Variants in LRP1B observed in about 807,000 individuals in gnomAD.
The protein encoded by LRP1B is low-density lipoprotein receptor-related protein 1B.
Under a neutral mutation model 556.6 loss-of-function variants are expected in LRP1B, and 217 were observed. That is an observed-to-expected ratio of 0.39 (90% CI 0.35 to 0.44). The LOEUF is 0.44. Ranked by LOEUF, LRP1B falls within the 20% of genes least tolerant of loss-of-function variation. The pLI is 1.00. For synonymous variants in LRP1B, 2,047 were observed against 1,865.8 expected, an observed-to-expected ratio of 1.10 and a Z score of -2.50; for missense variants, 5,053 against 5,620.8, an observed-to-expected ratio of 0.90 and a Z score of 3.23.
intron 2 of LRP1B, among the ~76,000 whole-genome samples, chr2:141,515,445 G>A (rs1009785464): frequency 2.6e-5 from 4 of 151,962 alleles, no homozygotes; most frequent in Non-Finnish European, 2.9e-5. Context: ...AAATTAGAAA[G>A]CAAATAATTC....
chr2:141,972,299 TTAAC>T (rs911322141), intron 1 of LRP1B, among the ~76,000 whole-genome samples: 1 of 151,582 alleles, frequency 6.6e-6, no homozygotes, highest in Admixed American at 6.6e-5. Context: ...ATACAAATAT[TTAAC>T]TAACTTCTCA....
chr2:141,725,582 T>C (rs191441296), intron 2 of LRP1B, among the ~76,000 whole-genome samples: 1,786 of 152,040 alleles, frequency 0.012, 21 homozygotes, highest in South Asian at 0.023. Context: ...TTGGGAAGGA[T>C]TTTTTAAAAA....
chr2:141,303,346 A>C (rs1356737863), intron 3 of LRP1B, among the ~76,000 whole-genome samples: 4 of 151,922 alleles, frequency 2.6e-5, no homozygotes, highest in African/African-American at 7.3e-5. Context: ...AACTGTATTC[A>C]CTCTACTCTG....
chr2:141,387,863 T>C (rs1485531223), intron 3 of LRP1B, among the ~76,000 whole-genome samples: 3 of 152,080 alleles, frequency 2.0e-5, no homozygotes, highest in Non-Finnish European at 4.4e-5. Flanking sequence ...AAAAGAAAAC[T>C]GCATACCAAT....
intron 60 of LRP1B, among the ~76,000 whole-genome samples, chr2:140,464,313 T>C (rs908353972): frequency 6.6e-6 from 1 of 152,160 alleles, no homozygotes; most frequent in East Asian, 1.9e-4. Flanking sequence ...CATTATTTTC[T>C]AGTATTTCTT....
chr2:141,086,090 C>T (rs1177086062), intron 7 of LRP1B, among the ~76,000 whole-genome samples: 1 of 152,164 alleles, frequency 6.6e-6, no homozygotes, highest in Non-Finnish European at 1.5e-5. Context: ...TGATCACTTG[C>T]TTAACTGACT....
At position 140,702,268 on chromosome 2, in the gene LRP1B, C is replaced by T. The variant is rs773714536; in HGVS notation, c.6175G>A (p.Ala2059Thr). 3.7e-6 allele frequency: 6 copies of T among 1,613,660 alleles called. No individual in the cohort carries two copies. The East Asian group carries it at 1.1e-4, about 30-fold the overall frequency. ...ATTCTCTCTATCTTGTCTGTGCGAG[C>T]ATCACACCAGTACAATTTATTTTCC... Reference protein sequence around the residue: ...YEENKLYWCDARTDKIERIDL... With the variant: ...YEENKLYWCDTRTDKIERIDL... The change falls in exon 39 of 91, where the codon GCT becomes ACT. Residue 2059 changes from alanine to threonine, a missense_variant. By Grantham distance (58) the Ala-to-Thr change is moderately conservative. Around this residue, in one of 5 missense-constraint regions of LRP1B, gnomAD observed 3,619 missense variants for 3,931.9 expected, o/e 0.92. Coordinates refer to ENST00000389484, the MANE Select transcript of LRP1B (RefSeq NM_018557.3).
chr2:140,984,893 C>A (rs1558782263), intron 17 of LRP1B, among the ~76,000 whole-genome samples: 1 of 152,084 alleles, frequency 6.6e-6, no homozygotes. Context: ...GACTGTTTAT[C>A]TATATGATAT....
intron 1 of LRP1B, among the ~76,000 whole-genome samples, chr2:141,923,898 A>C (rs1187801731): frequency 6.6e-6 from 1 of 152,018 alleles, no homozygotes; most frequent in Non-Finnish European, 1.5e-5. Flanking sequence ...TAAGGGAATG[A>C]ATCAGGGCAT....
At chr2:140,475,876 C>T (rs181469763) in intron 59 of LRP1B, among the ~76,000 whole-genome samples, 133 of 151,978 alleles carry the variant, frequency 8.8e-4, no homozygotes, top group Middle Eastern at 6.8e-3. Context: ...TCACACGAGT[C>T]ACATTTCAAG....
At chr2:141,903,068 T>C (rs1200665101) in intron 1 of LRP1B, among the ~76,000 whole-genome samples, 1 of 151,874 alleles carries the variant, frequency 6.6e-6, no homozygotes, top group Non-Finnish European at 1.5e-5. Flanking sequence ...CCAGTGGTGT[T>C]CATTATTCTT....
At chr2:140,240,258 T>C (rs1261799952) in intron 87 of LRP1B, among the ~76,000 whole-genome samples, 1 of 150,844 alleles carries the variant, frequency 6.6e-6, no homozygotes, top group African/African-American at 2.4e-5. Context: ...GTTTGGCTTA[T>C]GTGGCAAATG....
chr2:141,212,041 T>A (rs1349070233), intron 6 of LRP1B, among the ~76,000 whole-genome samples: 1 of 151,910 alleles, frequency 6.6e-6, no homozygotes, highest in Non-Finnish European at 1.5e-5. Context: ...GTATAAAGAG[T>A]TTAATAAAAC....
chr2:140,616,575 T>C (rs481307), intron 41 of LRP1B, among the ~76,000 whole-genome samples: 75,893 of 150,636 alleles, frequency 0.5, 19,621 homozygotes, highest in African/African-American at 0.63. Context: ...GTACTGCACA[T>C]ACTAAAGCCT....
intron 20 of LRP1B, among the ~76,000 whole-genome samples, chr2:140,949,778 A>C (rs1695653806): frequency 6.6e-6 from 1 of 151,542 alleles, no homozygotes; most frequent in Non-Finnish European, 1.5e-5. Flanking sequence ...GTCCCTACTA[A>C]AAATACAAAA....
intron 1 of LRP1B, among the ~76,000 whole-genome samples, chr2:141,996,287 C>CTAAA (rs1440445698): frequency 1.3e-5 from 2 of 151,716 alleles, no homozygotes; most frequent in Non-Finnish European, 2.9e-5. Flanking sequence ...TCTCTAAGAC[C>CTAAA]TAAAAGTAGC....
chr2:140,299,891 C>T (rs1217803976), intron 83 of LRP1B, among the ~76,000 whole-genome samples: 2 of 151,992 alleles, frequency 1.3e-5, no homozygotes, highest in African/African-American at 4.8e-5. Flanking sequence ...GAAAAGGTGC[C>T]ACACAAACAT....
chr2:140,541,673 T>C lies in LRP1B; in HGVS notation c.7387+106A>G. 1.3e-5 allele frequency: 12 copies of C among 925,054 alleles called. No homozygotes were observed. The South Asian group carries it at 3.0e-4, about 23-fold the overall frequency. 57.3% of individuals were successfully genotyped at this position (925,054 alleles called of 1,614,324 possible). On this transcript the variant is annotated intron_variant, in intron 44 of 90. Coordinates refer to ENST00000389484, the MANE Select transcript of LRP1B (RefSeq NM_018557.3). ...GTCATAGTAACAAAAAATAATATTT[T>C]TTAAAAGAAAAAGCAAATCCAACTA...
At chr2:141,816,957 C>A (rs922429476) in intron 1 of LRP1B, among the ~76,000 whole-genome samples, 3 of 152,004 alleles carry the variant, frequency 2.0e-5, no homozygotes, top group Non-Finnish European at 4.4e-5. Context: ...AAATAGCCTG[C>A]TATATAAACC....
Sources: gnomAD v4.1 joint callset for allele counts (sites outside exome capture counted in the v4.1 genomes callset) on GRCh38, gnomAD v4.1.1 for gene constraint, gnomAD v4.1.1 regional missense constraint, MANE v1.5 for transcripts, NCBI Gene and HGNC (gene_info 2026-07-23, HGNC 2026-07-21) for gene names.